The following GRIK2 variants were observed in gnomAD, a reference collection of about 807,000 sequenced individuals.
GRIK2 encodes the protein glutamate ionotropic receptor kainate type subunit 2.
In GRIK2, 32 loss-of-function variants were observed where a neutral mutation model predicts 100.3. The observed-to-expected ratio is 0.32, with a 90% CI of 0.24 to 0.43. The LOEUF is 0.43. Among genes scored for constraint, GRIK2 ranks in the 20% least tolerant of loss-of-function variants. The pLI is 1.00. For missense variants in GRIK2, 843 were observed against 1,114.9 expected, an observed-to-expected ratio of 0.76 and a Z score of 3.47; for synonymous variants, 417 against 389.4, an observed-to-expected ratio of 1.07 and a Z score of -0.83.
At chr6:101,562,259 C>T (rs1273142445) in intron 2 of GRIK2, among the ~76,000 whole-genome samples, 1 of 151,846 alleles carries the variant, frequency 6.6e-6, no homozygotes, top group Non-Finnish European at 1.5e-5. Context: ...CTGATTTTTA[C>T]TTGACTCATG....
At chr6:101,893,223 T>C (rs1787220860) in intron 12 of GRIK2, among the ~76,000 whole-genome samples, 1 of 151,376 alleles carries the variant, frequency 6.6e-6, no homozygotes, top group Non-Finnish European at 1.5e-5. Flanking sequence ...GATATCATAA[T>C]TAATATGGTA....
intron 14 of GRIK2, among the ~76,000 whole-genome samples, chr6:101,953,089 G>A (rs1791704717): frequency 1.3e-5 from 2 of 152,094 alleles, no homozygotes; most frequent in Non-Finnish European, 2.9e-5. Flanking sequence ...GTGTTTCAGT[G>A]TGTATCAAAA....
At chr6:101,661,210 T>G (rs1310680598) in intron 4 of GRIK2, among the ~76,000 whole-genome samples, 3 of 152,260 alleles carry the variant, frequency 2.0e-5, no homozygotes, top group East Asian at 3.9e-4. Flanking sequence ...CTGGCCACTG[T>G]GGCTTTGCTG....
intron 15 of GRIK2, among the ~76,000 whole-genome samples, chr6:102,039,524 T>A (rs1770456561): frequency 6.6e-6 from 1 of 151,412 alleles, no homozygotes; most frequent in Non-Finnish European, 1.5e-5. Context: ...ATGTCTAAAT[T>A]GTGTGAGCAG....
intron 2 of GRIK2, among the ~76,000 whole-genome samples, chr6:101,494,138 C>T (rs1289088090): frequency 6.7e-6 from 1 of 150,072 alleles, no homozygotes; most frequent in East Asian, 1.9e-4. Flanking sequence ...CCTAAGGCAA[C>T]AATTTTAAAG....
intron 4 of GRIK2, among the ~76,000 whole-genome samples, chr6:101,639,255 A>G (rs763213833): frequency 6.6e-6 from 1 of 152,060 alleles, no homozygotes; most frequent in African/African-American, 2.4e-5. Flanking sequence ...TCGGGTCGCA[A>G]ACTCCTGATA....
At chr6:101,564,755 ATCT>A (rs1777174557) in intron 2 of GRIK2, among the ~76,000 whole-genome samples, 2 of 152,088 alleles carry the variant, frequency 1.3e-5, no homozygotes, top group South Asian at 4.2e-4. Context: ...TCAGCATATG[ATCT>A]GGTACCATGG....
intron 11 of GRIK2, 57 bp from the exon 12 acceptor site, chr6:101,889,583 T>C (rs1786898149): frequency 2.0e-6 from 2 of 1,021,298 alleles, no homozygotes; most frequent in South Asian, 1.5e-5. Flanking sequence ...TGAAAATCAA[T>C]TTTTTCTCTC....
rs575523754 is a variant in GRIK2, at chr6:101,688,198, A to G, written c.951+1845A>G. ...ATGAATGTCTTATTATTTATTTTCAATAGCACTATTAAATGGTTTTAAGAA... is the reference window on the plus strand; with the variant it reads ...ATGAATGTCTTATTATTTATTTTCAGTAGCACTATTAAATGGTTTTAAGAA... On this transcript the variant is annotated intron_variant, in intron 7 of 16. Coordinates refer to ENST00000369134, the MANE Select transcript of GRIK2 (RefSeq NM_021956.5). 1.5e-4 allele frequency among the ~76,000 whole-genome samples: 23 copies of G among 150,744 alleles called. 1 individual carries two copies. The highest frequency in any genetic ancestry group is 3.6e-4 in the African/African-American group (15 of 41,336).
Position 101,802,254 on chromosome 6 carries a change from G to A in GRIK2, c.1096-77G>A, listed in dbSNP as rs1431447980. On this transcript the variant is annotated intron_variant, in intron 8 of 16. Transcript: ENST00000369134. ...GTAAACTGAAAAGTAATGAATATAAGTTTCCTACTTTTGTGAAAAAATGTT... is the reference window on the plus strand; with the variant it reads ...GTAAACTGAAAAGTAATGAATATAAATTTCCTACTTTTGTGAAAAAATGTT... 5.9e-6 allele frequency: 3 copies of A among 511,342 alleles called. No individual in the cohort carries two copies. The African/African-American group carries it at 5.9e-5, about 10-fold the overall frequency. 31.7% of individuals were successfully genotyped at this position (511,342 alleles called of 1,614,324 possible).
chr6:101,837,038 C>T (rs1411203944), intron 10 of GRIK2, among the ~76,000 whole-genome samples: 1 of 152,106 alleles, frequency 6.6e-6, no homozygotes, highest in Non-Finnish European at 1.5e-5. Flanking sequence ...AACTCAGTTC[C>T]TTCAGTCTTG....
intron 2 of GRIK2, among the ~76,000 whole-genome samples, chr6:101,469,312 G>T (rs1169040332): frequency 6.6e-6 from 1 of 152,122 alleles, no homozygotes; most frequent in African/African-American, 2.4e-5. Flanking sequence ...TGGCATGCAA[G>T]AGAAGACAGC....
At chr6:102,011,608 G>T in intron 14 of GRIK2, among the ~76,000 whole-genome samples, 1 of 103,286 alleles carries the variant, frequency 9.7e-6, no homozygotes. Context: ...TTTTGAGGCA[G>T]AGTCTCACTC....
rs1009041847 is a variant in GRIK2, at chr6:101,544,428, A to G, written c.116-77521A>G. 4.6e-5 allele frequency among the ~76,000 whole-genome samples: 7 copies of G among 152,182 alleles called. No homozygotes were observed. In the South Asian group the frequency reaches 1.0e-3, roughly 23 times the overall value. ...CCCTATCGAACTAGGCCTTCTGTGT[A>G]CCCCGGGGGAATGAAAACCAGGTTT... is the stretch of plus-strand genomic sequence containing the variant. On this transcript the variant is annotated intron_variant, in intron 2 of 16. Coordinates refer to ENST00000369134, the MANE Select transcript of GRIK2 (RefSeq NM_021956.5).
At chr6:101,567,001 TTAAA>T (rs1474284900) in intron 2 of GRIK2, among the ~76,000 whole-genome samples, 2 of 151,150 alleles carry the variant, frequency 1.3e-5, no homozygotes, top group Admixed American at 6.6e-5. Flanking sequence ...TATATATCTA[TTAAA>T]TAAAAATTTC....
chr6:101,874,962 T>A (rs1397743304), intron 11 of GRIK2, among the ~76,000 whole-genome samples: 1 of 152,174 alleles, frequency 6.6e-6, no homozygotes, highest in Non-Finnish European at 1.5e-5. Flanking sequence ...CCTGAGACTT[T>A]GCTGAAGTTG....
chr6:101,897,627 C>T (rs1787555796), intron 12 of GRIK2, among the ~76,000 whole-genome samples: 1 of 151,736 alleles, frequency 6.6e-6, no homozygotes, highest in Non-Finnish European at 1.5e-5. Context: ...TTTTAATCCA[C>T]AATGTCTAGT....
intron 10 of GRIK2, among the ~76,000 whole-genome samples, chr6:101,838,056 A>C (rs1019884453): frequency 6.6e-6 from 1 of 152,204 alleles, no homozygotes; most frequent in Admixed American, 6.5e-5. Flanking sequence ...CTTGGAAGAA[A>C]AGAACATCCT....
intron 2 of GRIK2, among the ~76,000 whole-genome samples, chr6:101,436,240 G>A (rs1345929460): frequency 2.0e-5 from 3 of 151,996 alleles, no homozygotes; most frequent in Admixed American, 2.0e-4. Context: ...GAGATAAATA[G>A]GCAGTAAGTT....
Sources: allele counts gnomAD v4.1 joint callset (sites outside exome capture counted in the v4.1 genomes callset), GRCh38; gene constraint gnomAD v4.1.1; transcripts MANE v1.5; gene names NCBI Gene and HGNC (gene_info 2026-07-23, HGNC 2026-07-21).